Variants in F8 observed in about 807,000 individuals in gnomAD.
F8 encodes coagulation factor VIII.
F8 carries 12 observed loss-of-function variants against 140.6 expected under a neutral mutation model. That is an observed-to-expected ratio of 0.09 (90% confidence interval 0.05 to 0.14). The LOEUF is 0.14. Among genes scored for constraint, F8 ranks in the 10% least tolerant of loss-of-function variants. The probability of loss-of-function intolerance (pLI) is 1.00; values close to 1 mark genes in which losing one functional copy is unlikely to be tolerated. For missense variants in F8, 1,354 were observed against 1,720.7 expected (o/e 0.79, Z 3.77); for synonymous variants, 585 against 614.6 (o/e 0.95, Z 0.71).
At chrX:154,865,487 AAATAGT>A (rs1179193819) in intron 22 of F8, among the ~76,000 whole-genome samples, 3 of 111,605 alleles carry the variant, frequency 2.7e-5, no homozygotes, top group Admixed American at 9.6e-5. Flanking sequence ...TAAAAGACAA[AAATAGT>A]AATAGTAACT....
At chrX:155,018,943 A>G (rs1490677193) in intron 1 of F8, among the ~76,000 whole-genome samples, 1 of 112,442 alleles carries the variant, frequency 8.9e-6, no homozygotes, top group Non-Finnish European at 1.9e-5. Context: ...GATAAAGCCA[A>G]CAAAACTTTG....
At chrX:154,846,362 T>G (rs782236838) in intron 25 of F8, among the ~76,000 whole-genome samples, 1 of 111,850 alleles carries the variant, frequency 8.9e-6, no homozygotes, top group Non-Finnish European at 1.9e-5. Context: ...CTCGTTGAAC[T>G]GTCTAATGTT....
chrX:154,983,155 A>G (rs2073538665), intron 6 of F8, among the ~76,000 whole-genome samples: 4 of 111,828 alleles, frequency 3.6e-5, no homozygotes. Context: ...TTGAGTTTCT[A>G]TTTTGACCAT....
At chrX:154,840,247 A>T (rs991933954) in intron 25 of F8, among the ~76,000 whole-genome samples, 4 of 112,480 alleles carry the variant, frequency 3.6e-5, no homozygotes, top group African/African-American at 1.3e-4. Context: ...CAAGTATTCA[A>T]TAGTAAGTAC....
Position 154,864,440 on chromosome X carries a change from C to T in F8, c.6430-1213G>A, listed in dbSNP as rs782672717. On this transcript the variant is annotated intron_variant, in intron 22 of 25. Transcript: ENST00000360256. ...ATGAAGAATCAGGCAAATATGACAT[C>T]ACCAAAGGGAACTAATAAAGCTCCA... Among the ~76,000 whole-genome samples the T allele has an allele frequency of 3.6e-5, 4 of 112,534 alleles. No homozygotes were observed. In the Admixed American group the frequency reaches 3.8e-4, roughly 11 times the overall value.
chrX:154,837,484 G>A lies in F8; in HGVS notation c.*113C>T. ...TGATAGTTAATTCAGGAGGCTTCAA[G>A]GCAGTGTCTGCTAGGATTTAGCACA... On this transcript the variant is annotated 3_prime_UTR_variant, in exon 26 of 26. Coordinates refer to ENST00000360256, the MANE Select transcript of F8 (RefSeq NM_000132.4). 1.1e-6 allele frequency: 1 copy of A among 880,965 alleles called. No individual in the cohort carries two copies. The highest frequency in any genetic ancestry group is 1.6e-6 in the Non-Finnish European group (1 of 619,071). 72.6% of individuals were successfully genotyped at this position (880,965 alleles called of 1,213,427 possible).
intron 13 of F8, among the ~76,000 whole-genome samples, chrX:154,936,683 T>A (rs1366180962): frequency 2.7e-5 from 3 of 111,767 alleles, no homozygotes; most frequent in Non-Finnish European, 5.7e-5. Context: ...ACAGATAAAA[T>A]ATCAGGAAGT....
intron 25 of F8, among the ~76,000 whole-genome samples, chrX:154,854,359 T>C (rs1277184782): frequency 8.9e-6 from 1 of 112,796 alleles, no homozygotes; most frequent in Non-Finnish European, 1.9e-5. Flanking sequence ...CAAAAAGGCT[T>C]ACTGTCCTCT....
chrX:154,954,316 G>C (rs1259059973), intron 11 of F8, among the ~76,000 whole-genome samples: 1 of 111,687 alleles, frequency 9.0e-6, no homozygotes, highest in African/African-American at 3.3e-5. Flanking sequence ...TATGCTAGCT[G>C]ATTTATTTGG....
At chrX:154,913,134 A>C (rs1334707516) in intron 14 of F8, among the ~76,000 whole-genome samples, 8 of 112,433 alleles carry the variant, frequency 7.1e-5, no homozygotes, top group Non-Finnish European at 1.3e-4. Flanking sequence ...TGTTTTCAGA[A>C]AAAAATAAAA....
rs1557278321 is a variant in F8 at position 154,928,918 on chromosome X, T to C, written c.4872A>G (p.Glu1624=). 9.1e-6 allele frequency: 11 copies of C among 1,211,580 alleles called. No individual in the cohort carries two copies. Among genetic ancestry groups the C allele is most frequent in the Non-Finnish European group, 1.2e-5 (11 of 895,381 alleles). The stretch of plus-strand genomic sequence containing the variant: ...TTATTGCTGCTATTGCATGATTGCT[T>C]TCACAAGCGTTCAGGGACAAAATGG... The part of the protein sequence containing the change: ...KDTILSLNAC[E]SNHAIAAINE... Residue 1624 remains glutamate, a synonymous_variant, in exon 14 of 26, where the codon GAA becomes GAG. Transcript: ENST00000360256.
chrX:154,994,270 A>T (rs782213786), intron 3 of F8, among the ~76,000 whole-genome samples: 2 of 112,570 alleles, frequency 1.8e-5, no homozygotes, highest in Non-Finnish European at 3.8e-5. Flanking sequence ...AATGTACATT[A>T]CAAATTTCAT....
At position 154,838,163 on chromosome X, in the gene F8, C is replaced by T. The variant is rs182259820; in HGVS notation, c.6901-411G>A. Among the ~76,000 whole-genome samples the T allele has an allele frequency of 3.2e-3, 355 of 112,280 alleles. 9 individuals are homozygous for T. The highest frequency in any genetic ancestry group is 0.03 in the Admixed American group (321 of 10,595). On this transcript the variant is annotated intron_variant, in intron 25 of 25. Transcript: ENST00000360256. Reference sequence around the variant, plus strand: ...CTATCGTTATTAGATAAACTGGTTTCGCACATGTTGGTGACAACTTTAGAA... The same window carrying T: ...CTATCGTTATTAGATAAACTGGTTTTGCACATGTTGGTGACAACTTTAGAA...
At chrX:154,900,379 G>A (rs1057388770) in intron 20 of F8, among the ~76,000 whole-genome samples, 20 of 110,123 alleles carry the variant, frequency 1.8e-4, no homozygotes, top group African/African-American at 3.3e-5. Context: ...GACTACAATC[G>A]CGTACCACCA....
At chrX:154,876,428 A>G (rs2072817376) in intron 22 of F8, among the ~76,000 whole-genome samples, 1 of 111,794 alleles carries the variant, frequency 8.9e-6, no homozygotes, top group African/African-American at 3.2e-5. Flanking sequence ...TGGAAATTTT[A>G]AAAAATTATT....
intron 14 of F8, among the ~76,000 whole-genome samples, chrX:154,924,862 A>G (rs1285451065): frequency 5.4e-5 from 6 of 111,702 alleles, no homozygotes. Context: ...CTCTACATTG[A>G]CCCCTTTCAG....
chrX:155,009,797 T>C (rs1425237492), intron 1 of F8, among the ~76,000 whole-genome samples: 1 of 111,455 alleles, frequency 9.0e-6, no homozygotes, highest in Non-Finnish European at 1.9e-5. Context: ...ATAAGACACA[T>C]ATAAAATATG....
At chrX:154,878,736 C>G (rs1402232117) in intron 22 of F8, among the ~76,000 whole-genome samples, 2 of 111,647 alleles carry the variant, frequency 1.8e-5, no homozygotes, top group African/African-American at 6.5e-5. Context: ...ATGGAAAACC[C>G]CGAAGAATCC....
intron 14 of F8, among the ~76,000 whole-genome samples, chrX:154,920,978 A>G (rs1557277516): frequency 1.1e-4 from 12 of 111,870 alleles, no homozygotes; most frequent in Admixed American, 9.5e-5. Context: ...TCATATTACT[A>G]ATAAGCATCC....
Sources: allele counts gnomAD v4.1 joint callset (sites outside exome capture counted in the v4.1 genomes callset), GRCh38; gene constraint gnomAD v4.1.1; transcripts MANE v1.5; gene names NCBI Gene and HGNC (gene_info 2026-07-23, HGNC 2026-07-21).